GPC6: variants seen among roughly 807,000 people sequenced by gnomAD.
GPC6 encodes glypican 6, also known as glypican-6.
GPC6 carries 14 observed loss-of-function variants against 55.2 expected under a neutral mutation model. That is an observed-to-expected ratio of 0.25 (90% CI 0.17 to 0.40). GPC6 has a LOEUF of 0.40. Among genes scored for constraint, GPC6 ranks in the 10% least tolerant of loss-of-function variants. The pLI, the probability that GPC6 is intolerant of heterozygous loss-of-function variation, is 1.00. For synonymous variants in GPC6, 278 were observed against 259.6 expected, an observed-to-expected ratio of 1.07 and a Z score of -0.68; for missense variants, 641 against 708.5, an observed-to-expected ratio of 0.90 and a Z score of 1.08.
At chr13:94,259,269 A>G (rs1378882232) in intron 4 of GPC6, among the ~76,000 whole-genome samples, 3 of 152,216 alleles carry the variant, frequency 2.0e-5, no homozygotes, top group Non-Finnish European at 4.4e-5. Context: ...ACCAATAACC[A>G]ACAAGGAGAA....
intron 1 of GPC6, among the ~76,000 whole-genome samples, chr13:93,297,779 C>A (rs1878544025): frequency 6.6e-6 from 1 of 151,956 alleles, no homozygotes; most frequent in Non-Finnish European, 1.5e-5. Context: ...GTATGGTCTT[C>A]TCTCTAGGTA....
At chr13:94,021,086 G>T (rs1594672232) in intron 3 of GPC6, among the ~76,000 whole-genome samples, 1 of 152,060 alleles carries the variant, frequency 6.6e-6, no homozygotes, top group South Asian at 2.1e-4. Context: ...AGAAACTGTG[G>T]AAGAAAGCAT....
chr13:94,115,700 G>A (rs1183601735), intron 4 of GPC6, among the ~76,000 whole-genome samples: 2 of 152,100 alleles, frequency 1.3e-5, no homozygotes, highest in Non-Finnish European at 2.9e-5. Context: ...GAATTCCTAA[G>A]TTCTCAACAC....
chr13:93,457,960 C>T (rs1878528456), intron 1 of GPC6, among the ~76,000 whole-genome samples: 1 of 152,178 alleles, frequency 6.6e-6, no homozygotes, highest in Non-Finnish European at 1.5e-5. Context: ...TTCTGCCTCT[C>T]CCTCACTCAG....
At chr13:94,131,828 G>A (rs619542) in intron 4 of GPC6, among the ~76,000 whole-genome samples, 64,717 of 151,928 alleles carry the variant, frequency 0.43, 15,275 homozygotes, top group Middle Eastern at 0.57. Flanking sequence ...TAAGGATGAG[G>A]GTAGCTAATA....
intron 3 of GPC6, among the ~76,000 whole-genome samples, chr13:93,943,679 T>C (rs1364360798): frequency 6.6e-6 from 1 of 152,122 alleles, no homozygotes; most frequent in African/African-American, 2.4e-5. Context: ...TTCAAAAGCC[T>C]TTTTAAAATT....
intron 3 of GPC6, among the ~76,000 whole-genome samples, chr13:94,018,356 C>T (rs946577463): frequency 4.6e-5 from 7 of 151,456 alleles, no homozygotes; most frequent in African/African-American, 1.7e-4. Flanking sequence ...GTGGTGCGAT[C>T]TCCGCTCACT....
At chr13:94,260,258 C>T (rs1891619011) in intron 4 of GPC6, among the ~76,000 whole-genome samples, 1 of 152,148 alleles carries the variant, frequency 6.6e-6, no homozygotes, top group Non-Finnish European at 1.5e-5. Context: ...CTAGCTCAGC[C>T]TGAGGATTCA....
chr13:93,595,547 G>A (rs1004492192), intron 2 of GPC6, among the ~76,000 whole-genome samples: 4 of 152,136 alleles, frequency 2.6e-5, no homozygotes, highest in Non-Finnish European at 5.9e-5. Context: ...AGTTTGTACT[G>A]AATAACTATT....
At chr13:93,758,497 A>T (rs1008656662) in intron 2 of GPC6, among the ~76,000 whole-genome samples, 2 of 152,134 alleles carry the variant, frequency 1.3e-5, no homozygotes, top group African/African-American at 2.4e-5. Context: ...TATACATATC[A>T]ATCTATAAAA....
intron 3 of GPC6, among the ~76,000 whole-genome samples, chr13:93,918,767 A>G (rs902783772): frequency 1.3e-5 from 2 of 152,206 alleles, no homozygotes; most frequent in African/African-American, 4.8e-5. Flanking sequence ...GATCCAGCAG[A>G]TGTTCCCACC....
chr13:93,546,902 G>A (rs1874820639), intron 2 of GPC6, among the ~76,000 whole-genome samples: 1 of 152,136 alleles, frequency 6.6e-6, no homozygotes, highest in Non-Finnish European at 1.5e-5. Flanking sequence ...TTATAAAGCT[G>A]TACTCCAAAG....
Position 94,286,446 on chromosome 13 carries a change from C to T in GPC6, c.975C>T (p.Asn325=). The T allele has an allele frequency of 6.2e-7, 1 of 1,613,638 alleles. No individual in the cohort carries two copies. Among genetic ancestry groups the T allele is most frequent in the Non-Finnish European group, 8.5e-7 (1 of 1,179,654 alleles). ...TCAAGATTTCTGAAGCCATTATGAA[C>T]ATGCAAGAAAACAGCATGCAGGTGT... ...IDVKISEAIM[N]MQENSMQVSA... The change falls in exon 5 of 9, where the codon AAC becomes AAT. Residue 325 remains asparagine, a synonymous_variant. Coordinates refer to ENST00000377047, the MANE Select transcript of GPC6 (RefSeq NM_005708.5).
chr13:94,316,028 G>A (rs986966555), intron 6 of GPC6, among the ~76,000 whole-genome samples: 24 of 152,174 alleles, frequency 1.6e-4, no homozygotes, highest in South Asian at 1.0e-3. Flanking sequence ...TCCAAAAAAC[G>A]GCCCAGGGAA....
intron 4 of GPC6, among the ~76,000 whole-genome samples, chr13:94,050,473 A>G (rs189664949): frequency 2.0e-5 from 3 of 152,220 alleles, no homozygotes; most frequent in East Asian, 1.9e-4. Context: ...TAATCTTCCA[A>G]TGTCCTTCCA....
chr13:94,255,576 T>G (rs1160504347), intron 4 of GPC6, among the ~76,000 whole-genome samples: 1 of 152,104 alleles, frequency 6.6e-6, no homozygotes, highest in African/African-American at 2.4e-5. Context: ...TTGTCCCTCC[T>G]CTTTTTCTAT....
intron 2 of GPC6, among the ~76,000 whole-genome samples, chr13:93,586,860 G>C (rs1594289674): frequency 6.6e-6 from 1 of 152,262 alleles, no homozygotes; most frequent in South Asian, 2.1e-4. Context: ...ACTAGTACTG[G>C]TTATTGGGGA....
chr13:93,519,903 C>T (rs947205649), intron 1 of GPC6, among the ~76,000 whole-genome samples: 5 of 151,898 alleles, frequency 3.3e-5, no homozygotes, highest in Admixed American at 6.6e-5. Flanking sequence ...AAAACTGAAA[C>T]GAATTTTGTC....
At chr13:94,147,499 T>A (rs1887605055) in intron 4 of GPC6, among the ~76,000 whole-genome samples, 1 of 152,166 alleles carries the variant, frequency 6.6e-6, no homozygotes, top group Admixed American at 6.6e-5. Flanking sequence ...TGTAGCATTG[T>A]TTTGAAGGTT....
Sources: gnomAD v4.1 joint callset for allele counts (sites outside exome capture counted in the v4.1 genomes callset) on GRCh38, gnomAD v4.1.1 for gene constraint, MANE v1.5 for transcripts, NCBI Gene and HGNC (gene_info 2026-07-23, HGNC 2026-07-21) for gene names.